The following CDKAL1 variants were observed in gnomAD, a reference collection of about 807,000 sequenced individuals.
The protein encoded by CDKAL1 is CDKAL1 threonylcarbamoyladenosine tRNA methylthiotransferase, also known as threonylcarbamoyladenosine tRNA methylthiotransferase.
A neutral mutation model predicts 68.2 loss-of-function variants in CDKAL1; 32 were observed. The observed-to-expected ratio is 0.47, with a 90% CI of 0.35 to 0.63. CDKAL1 has a LOEUF of 0.63. Among genes scored for constraint, CDKAL1 ranks in the 30% least tolerant of loss-of-function variants. The pLI is 0.00. For missense variants in CDKAL1, 606 were observed against 696.7 expected, an observed-to-expected ratio of 0.87 and a Z score of 1.47; for synonymous variants, 234 against 244.3, an observed-to-expected ratio of 0.96 and a Z score of 0.39.
At chr6:21,093,894 CTTTT>C (rs33945169) in intron 12 of CDKAL1, among the ~76,000 whole-genome samples, 2 of 111,060 alleles carry the variant, frequency 1.8e-5, no homozygotes, top group African/African-American at 3.5e-5. Flanking sequence ...CCACACCTGG[CTTTT>C]TTTTTTTTTT....
intron 9 of CDKAL1, among the ~76,000 whole-genome samples, chr6:20,890,912 A>G (rs1761359737): frequency 6.6e-6 from 1 of 152,226 alleles, no homozygotes; most frequent in African/African-American, 2.4e-5. Context: ...AGCAATTACC[A>G]TATTTTAGTT....
chr6:20,644,178 A>G, intron 4 of CDKAL1, among the ~76,000 whole-genome samples: 1 of 150,142 alleles, frequency 6.7e-6, no homozygotes, highest in Non-Finnish European at 1.5e-5. Context: ...TTAAAATCAG[A>G]TAGGCTCTTT....
At chr6:21,015,935 G>A (rs370983205) in intron 11 of CDKAL1, among the ~76,000 whole-genome samples, 1 of 147,296 alleles carries the variant, frequency 6.8e-6, no homozygotes, top group Non-Finnish European at 1.5e-5. Context: ...GTGACAGAGC[G>A]AGACTCTGAC....
chr6:21,191,150 TC>T (rs1469623353), intron 13 of CDKAL1, among the ~76,000 whole-genome samples: 2 of 152,274 alleles, frequency 1.3e-5, no homozygotes, highest in Non-Finnish European at 2.9e-5. Context: ...CTGCGTTTCT[TC>T]ACACAATTCT....
intron 9 of CDKAL1, among the ~76,000 whole-genome samples, chr6:20,899,543 A>C (rs1761864625): frequency 6.6e-6 from 1 of 151,964 alleles, no homozygotes; most frequent in Non-Finnish European, 1.5e-5. Context: ...CTATGTCATT[A>C]ATTTTGTTTT....
At chr6:20,858,268 T>G (rs1759439039) in intron 9 of CDKAL1, among the ~76,000 whole-genome samples, 1 of 152,222 alleles carries the variant, frequency 6.6e-6, no homozygotes, top group Non-Finnish European at 1.5e-5. Flanking sequence ...TCTGTAAGTT[T>G]GGGAATCAGT....
intron 7 of CDKAL1, among the ~76,000 whole-genome samples, chr6:20,771,537 G>A (rs924951403): frequency 7.2e-5 from 11 of 152,102 alleles, no homozygotes; most frequent in Non-Finnish European, 1.0e-4. Context: ...TTGAATTAGC[G>A]CGAGGAGACT....
intron 12 of CDKAL1, among the ~76,000 whole-genome samples, chr6:21,092,035 C>G (rs1196509047): frequency 7.3e-5 from 11 of 151,162 alleles, no homozygotes; most frequent in Non-Finnish European, 1.6e-4. Flanking sequence ...TACAGGCGCC[C>G]GCCACTACGC....
chr6:20,789,954 T>G (rs958932978), intron 8 of CDKAL1, among the ~76,000 whole-genome samples: 1 of 152,228 alleles, frequency 6.6e-6, no homozygotes, highest in Non-Finnish European at 1.5e-5. Flanking sequence ...TTTGTTTTTT[T>G]GTTTGTTTAA....
intron 6 of CDKAL1, among the ~76,000 whole-genome samples, chr6:20,742,590 C>T (rs953926237): frequency 1.3e-4 from 19 of 151,796 alleles, no homozygotes; most frequent in Middle Eastern, 3.5e-3. Context: ...AAGGATATAA[C>T]GTACTTTACC....
At chr6:20,668,322 A>G (rs1414108057) in intron 5 of CDKAL1, among the ~76,000 whole-genome samples, 1 of 151,322 alleles carries the variant, frequency 6.6e-6, no homozygotes. Context: ...TTTTTTAAGT[A>G]TTTATTTATA....
intron 9 of CDKAL1, among the ~76,000 whole-genome samples, chr6:20,895,027 C>T (rs1282915412): frequency 4.6e-5 from 7 of 152,158 alleles, no homozygotes; most frequent in Non-Finnish European, 1.0e-4. Flanking sequence ...ACCTGCTGCT[C>T]TACCAGAAGT....
intron 4 of CDKAL1, among the ~76,000 whole-genome samples, chr6:20,616,839 C>CCCCACACACACA (rs1554164140): frequency 5.8e-5 from 7 of 121,310 alleles, no homozygotes; most frequent in East Asian, 4.9e-4. Context: ...CCCGACTCTA[C>CCCCACACACACA]CACACACACA....
chr6:20,757,661 C>G (rs1774281288), intron 6 of CDKAL1, among the ~76,000 whole-genome samples: 1 of 152,164 alleles, frequency 6.6e-6, no homozygotes, highest in African/African-American at 2.4e-5. Context: ...ATCTGCTCAT[C>G]ACACTATTAT....
At chr6:20,570,579 T>C (rs1189356419) in intron 4 of CDKAL1, among the ~76,000 whole-genome samples, 1 of 152,198 alleles carries the variant, frequency 6.6e-6, no homozygotes, top group East Asian at 1.9e-4. Flanking sequence ...TTTTGAATTT[T>C]TAGTAGAGAC....
At chr6:21,188,899 A>G (rs1227798627) in intron 13 of CDKAL1, among the ~76,000 whole-genome samples, 1 of 152,158 alleles carries the variant, frequency 6.6e-6, no homozygotes, top group Non-Finnish European at 1.5e-5. Context: ...AGGTGGTTAA[A>G]ATGCAGCTGC....
chr6:20,613,020 CACACACACACACACACACACACACAA>C (rs1222253626), intron 4 of CDKAL1, among the ~76,000 whole-genome samples: 44 of 149,598 alleles, frequency 2.9e-4, no homozygotes, highest in African/African-American at 1.0e-3. Context: ...CACACACACA[CACACACACACACACACACACACACAA>C]AGGGTATGGA....
chr6:20,892,467 T>C (rs1761459686), intron 9 of CDKAL1, among the ~76,000 whole-genome samples: 1 of 152,218 alleles, frequency 6.6e-6, no homozygotes, highest in African/African-American at 2.4e-5. Context: ...ATGACGTATC[T>C]GAGATTTTGC....
At chr6:21,115,739 A>G (rs1774372973) in intron 13 of CDKAL1, among the ~76,000 whole-genome samples, 2 of 152,236 alleles carry the variant, frequency 1.3e-5, no homozygotes, top group Non-Finnish European at 2.9e-5. Flanking sequence ...CCCTTGAAAC[A>G]CAGGGAAGTC....
Sources: allele counts gnomAD v4.1 joint callset (sites outside exome capture counted in the v4.1 genomes callset), GRCh38; gene constraint gnomAD v4.1.1; transcripts MANE v1.5; gene names NCBI Gene and HGNC (gene_info 2026-07-23, HGNC 2026-07-21).